Variants in ESR1 observed in about 807,000 individuals in gnomAD.
ESR1 encodes estrogen receptor.
Under a neutral mutation model 52.7 loss-of-function variants are expected in ESR1, and 12 were observed. The observed-to-expected ratio is 0.23, with a 90% CI of 0.15 to 0.37. The LOEUF (loss-of-function observed/expected upper bound fraction) is 0.37. Ranked by LOEUF, ESR1 falls within the 10% of genes least tolerant of loss-of-function variation. ESR1 has a pLI of 1.00. For synonymous variants in ESR1, 305 were observed against 316.8 expected, an observed-to-expected ratio of 0.96 and a Z score of 0.39; for missense variants, 584 against 779.7, an observed-to-expected ratio of 0.75 and a Z score of 2.99.
At chr6:151,890,612 G>A (rs1034991275) in intron 3 of ESR1, among the ~76,000 whole-genome samples, 1 of 152,172 alleles carries the variant, frequency 6.6e-6, no homozygotes, top group African/African-American at 2.4e-5. Flanking sequence ...TTGTATTACA[G>A]TCTATCTTCC....
At chr6:151,813,273 T>C (rs375412158) in intron 1 of ESR1, 9 of 152,156 alleles carry the variant, frequency 5.9e-5, no homozygotes, top group African/African-American at 1.9e-4. Context: ...CTGACACAAT[T>C]TTATGTAGTT....
intron 5 of ESR1, among the ~76,000 whole-genome samples, chr6:152,013,345 A>G (rs1177985731): frequency 6.6e-6 from 1 of 151,896 alleles, no homozygotes; most frequent in Non-Finnish European, 1.5e-5. Context: ...CACACGTAAC[A>G]TTTCCCTGCC....
intron 4 of ESR1, among the ~76,000 whole-genome samples, chr6:151,958,885 A>G (rs1480898081): frequency 6.6e-6 from 1 of 152,134 alleles, no homozygotes; most frequent in East Asian, 1.9e-4. Flanking sequence ...AAGTTTTTGC[A>G]TCACTTCTCT....
intron 4 of ESR1, among the ~76,000 whole-genome samples, chr6:152,004,014 C>T (rs1407108309): frequency 6.6e-6 from 1 of 151,874 alleles, no homozygotes; most frequent in Non-Finnish European, 1.5e-5. Context: ...TTTACATAAG[C>T]TACAATCTAT....
In ESR1 at chr6:151,933,261, T is replaced by A. The variant is rs1363378786; in HGVS notation, c.761-10912T>A. Among the ~76,000 whole-genome samples, 3 of 149,458 alleles carry A rather than the reference T, an allele frequency of 2.0e-5. No individual in the cohort carries two copies. In the East Asian group the frequency reaches 5.9e-4, roughly 30 times the overall value. Reference sequence around the variant, plus strand: ...CATGATTTGGCTCTCTGTTTGTCTGTTGTTGGTGTATAAGAATGCTTGTGA... The same window carrying A: ...CATGATTTGGCTCTCTGTTTGTCTGATGTTGGTGTATAAGAATGCTTGTGA... On this transcript the variant is annotated intron_variant, in intron 3 of 7. Transcript: ENST00000206249.
intron 2 of ESR1, among the ~76,000 whole-genome samples, chr6:151,728,914 C>T (rs1782038622): frequency 6.6e-6 from 1 of 152,118 alleles, no homozygotes. Flanking sequence ...AAAGGTGATG[C>T]TAAAAATGCA....
intron 5 of ESR1, among the ~76,000 whole-genome samples, chr6:152,047,630 G>A (rs935079811): frequency 3.9e-5 from 6 of 152,124 alleles, no homozygotes; most frequent in African/African-American, 1.4e-4. Context: ...CCCTGTGTGA[G>A]TTCCTTGAGG....
At chr6:151,767,494 A>G (rs539709845) in intron 2 of ESR1, among the ~76,000 whole-genome samples, 7 of 152,318 alleles carry the variant, frequency 4.6e-5, no homozygotes, top group Admixed American at 2.0e-4. Context: ...TCTAAATGTG[A>G]TAAAAGAAAA....
At chr6:151,916,636 C>T (rs1008429919) in intron 3 of ESR1, among the ~76,000 whole-genome samples, 1 of 152,080 alleles carries the variant, frequency 6.6e-6, no homozygotes, top group African/African-American at 2.4e-5. Flanking sequence ...GATTCAGGCT[C>T]TTCATAATTC....
chr6:151,953,718 A>C (rs994190645), intron 4 of ESR1, among the ~76,000 whole-genome samples: 1 of 152,056 alleles, frequency 6.6e-6, no homozygotes, highest in Non-Finnish European at 1.5e-5. Flanking sequence ...GTCTAAAAAA[A>C]AAAAAGAATA....
intron 4 of ESR1, among the ~76,000 whole-genome samples, chr6:151,999,667 A>G (rs2041797209): frequency 6.6e-6 from 1 of 152,118 alleles, no homozygotes; most frequent in African/African-American, 2.4e-5. Flanking sequence ...ATGAATCAAA[A>G]TGTTTCCTAC....
intron 4 of ESR1, among the ~76,000 whole-genome samples, chr6:151,946,280 A>C (rs189526612): frequency 8.0e-4 from 122 of 152,328 alleles, no homozygotes; most frequent in African/African-American, 2.9e-3. Flanking sequence ...AAATCTTGGG[A>C]ATATTAGCTC....
chr6:152,077,099 G>A (rs1213134679), intron 6 of ESR1, among the ~76,000 whole-genome samples: 2 of 152,096 alleles, frequency 1.3e-5, no homozygotes, highest in African/African-American at 2.4e-5. Flanking sequence ...AAGCCTAGGA[G>A]GAAAAAAACA....
At chr6:151,723,430 T>C (rs773886988) in intron 2 of ESR1, among the ~76,000 whole-genome samples, 1 of 152,232 alleles carries the variant, frequency 6.6e-6, no homozygotes, top group African/African-American at 2.4e-5. Flanking sequence ...GATTTCCCCA[T>C]TGAACCTGAT....
intron 1 of ESR1, among the ~76,000 whole-genome samples, chr6:151,833,620 A>C (rs2128219008): frequency 6.6e-6 from 1 of 152,284 alleles, no homozygotes. Context: ...ACTGTGTATC[A>C]GACACTAAGA....
intron 2 of ESR1, among the ~76,000 whole-genome samples, chr6:151,848,006 C>A (rs1391825405): frequency 2.5e-5 from 3 of 119,340 alleles, no homozygotes; most frequent in Non-Finnish European, 5.3e-5. Context: ...ATAAATCATG[C>A]TGCTATAAAG....
intron 4 of ESR1, among the ~76,000 whole-genome samples, chr6:151,946,479 G>A (rs2035716554): frequency 1.3e-5 from 2 of 152,122 alleles, no homozygotes; most frequent in South Asian, 2.1e-4. Context: ...GTCAAGGAAA[G>A]GAAAATATTA....
intron 2 of ESR1, among the ~76,000 whole-genome samples, chr6:151,746,245 T>C (rs983156376): frequency 2.0e-5 from 3 of 152,206 alleles, no homozygotes; most frequent in Non-Finnish European, 4.4e-5. Context: ...GTATATAGGA[T>C]TAGGATTGCA....
chr6:151,871,974 T>A (rs937072310), intron 2 of ESR1, among the ~76,000 whole-genome samples: 1 of 152,218 alleles, frequency 6.6e-6, no homozygotes, highest in Non-Finnish European at 1.5e-5. Context: ...TATTTATCCA[T>A]TTGTCTGTTG....
Sources: gnomAD v4.1 joint callset for allele counts (sites outside exome capture counted in the v4.1 genomes callset) on GRCh38, gnomAD v4.1.1 for gene constraint, MANE v1.5 for transcripts, NCBI Gene and HGNC (gene_info 2026-07-23, HGNC 2026-07-21) for gene names.